The following RNF144A variants were observed in gnomAD, a reference collection of about 807,000 sequenced individuals.
The protein encoded by RNF144A is ring finger protein 144A.
In RNF144A, 11 loss-of-function variants were observed where a neutral mutation model predicts 38.7. The ratio of observed to expected loss-of-function variants is 0.28; its 90% CI spans 0.18 to 0.47. RNF144A has a LOEUF of 0.47. Among genes scored for constraint, RNF144A ranks in the 20% least tolerant of loss-of-function variants. The pLI, the probability that RNF144A is intolerant of heterozygous loss-of-function variation, is 0.99. For synonymous variants in RNF144A, 149 were observed against 143.9 expected (o/e 1.04, Z -0.25); for missense variants, 316 against 377.2 (o/e 0.84, Z 1.34).
chr2:6,967,956 C>A (rs543029910), intron 2 of RNF144A, among the ~76,000 whole-genome samples: 1 of 152,288 alleles, frequency 6.6e-6, no homozygotes, highest in South Asian at 2.1e-4. Context: ...CTTCTGTTAG[C>A]ATTTTAAGGA....
At chr2:7,016,565 AT>A (rs955368566) in intron 5 of RNF144A, among the ~76,000 whole-genome samples, 41 of 151,546 alleles carry the variant, frequency 2.7e-4, no homozygotes, top group African/African-American at 9.7e-4. Flanking sequence ...AAAAAAAAAA[AT>A]CTCTCAAGCC....
At chr2:7,074,240 A>G in the RNF144A span, among the ~76,000 whole-genome samples, 1 of 152,088 alleles carries the variant, frequency 6.6e-6, no homozygotes, top group Non-Finnish European at 1.5e-5. Context: ...TCCTCTCATA[A>G]CACTTACCAC....
chr2:6,960,330 C>T (rs1317944700), intron 2 of RNF144A, among the ~76,000 whole-genome samples: 4 of 152,204 alleles, frequency 2.6e-5, no homozygotes, highest in African/African-American at 9.7e-5. Context: ...CTGCCTTACT[C>T]ACCTATTTTT....
chr2:7,074,557 G>A, the RNF144A span: 1 of 152,066 alleles, frequency 6.6e-6, no homozygotes, highest in Non-Finnish European at 1.5e-5. Context: ...ATTTTCCTGG[G>A]CCCTTAAAAG....
chr2:6,953,293 G>C (rs1357317587), intron 2 of RNF144A, among the ~76,000 whole-genome samples: 1 of 152,090 alleles, frequency 6.6e-6, no homozygotes, highest in Non-Finnish European at 1.5e-5. Context: ...GAGCGGCATG[G>C]TGGCGGGCGC....
intron 1 of RNF144A, among the ~76,000 whole-genome samples, chr2:6,929,299 A>G (rs1665068186): frequency 6.6e-6 from 1 of 152,006 alleles, no homozygotes; most frequent in South Asian, 2.1e-4. Flanking sequence ...TCGCCACCAT[A>G]TTTTATCTCT....
intron 8 of RNF144A, among the ~76,000 whole-genome samples, chr2:7,031,934 C>T (rs1211485304): frequency 6.6e-6 from 1 of 152,254 alleles, no homozygotes; most frequent in Non-Finnish European, 1.5e-5. Context: ...ACTGTTTACA[C>T]AGGCAGGTGG....
At chr2:6,973,400 T>C (rs954379163) in intron 2 of RNF144A, among the ~76,000 whole-genome samples, 6 of 152,266 alleles carry the variant, frequency 3.9e-5, no homozygotes, top group Non-Finnish European at 5.9e-5. Context: ...CCATTTCTCC[T>C]GTGTATATCG....
intron 2 of RNF144A, among the ~76,000 whole-genome samples, chr2:6,954,186 T>G (rs576513173): frequency 2.0e-5 from 3 of 152,272 alleles, no homozygotes; most frequent in African/African-American, 7.2e-5. Flanking sequence ...TTTTATGACT[T>G]TAATATATTT....
chr2:7,032,859 C>T (rs1318966319), intron 8 of RNF144A, among the ~76,000 whole-genome samples: 2 of 152,240 alleles, frequency 1.3e-5, no homozygotes, highest in African/African-American at 4.8e-5. Context: ...AACACCTACA[C>T]CCCCCTCCCC....
intron 5 of RNF144A, among the ~76,000 whole-genome samples, chr2:7,015,823 G>C (rs1671099947): frequency 6.6e-6 from 1 of 152,124 alleles, no homozygotes; most frequent in Admixed American, 6.5e-5. Context: ...TCCCTGCACT[G>C]ATTCTCGGGT....
intron 2 of RNF144A, among the ~76,000 whole-genome samples, chr2:6,989,136 T>C (rs1252925014): frequency 6.6e-6 from 1 of 152,236 alleles, no homozygotes; most frequent in Non-Finnish European, 1.5e-5. Flanking sequence ...ATTCCTTCTG[T>C]GCCCTGTCAG....
chr2:7,011,716 C>T (rs1447622879), intron 3 of RNF144A, among the ~76,000 whole-genome samples: 1 of 152,118 alleles, frequency 6.6e-6, no homozygotes, highest in African/African-American at 2.4e-5. Context: ...CTCTGTTTAC[C>T]TATTTTTGTG....
At chr2:6,919,937 A>G (rs1664425555) in intron 1 of RNF144A, among the ~76,000 whole-genome samples, 1 of 152,218 alleles carries the variant, frequency 6.6e-6, no homozygotes, top group African/African-American at 2.4e-5. Context: ...TATATTTTAT[A>G]AATAGATTCC....
intron 2 of RNF144A, among the ~76,000 whole-genome samples, chr2:6,982,428 G>A (rs373261590): frequency 1.3e-5 from 2 of 152,182 alleles, no homozygotes; most frequent in African/African-American, 4.8e-5. Flanking sequence ...AAGGAAGGAG[G>A]CATTGCCTGA....
intron 1 of RNF144A, among the ~76,000 whole-genome samples, chr2:6,934,229 A>G (rs1473171435): frequency 6.6e-6 from 1 of 152,180 alleles, no homozygotes; most frequent in Non-Finnish European, 1.5e-5. Flanking sequence ...GAAATATGGT[A>G]TCTTTTTACT....
chr2:6,987,621 C>T (rs1669042787), intron 2 of RNF144A, among the ~76,000 whole-genome samples: 1 of 152,292 alleles, frequency 6.6e-6, no homozygotes, highest in East Asian at 1.9e-4. Flanking sequence ...ACCCTTCACC[C>T]TCACCTGCAG....
chr2:6,919,462 A>G (rs1193795720), intron 1 of RNF144A, among the ~76,000 whole-genome samples: 1 of 152,176 alleles, frequency 6.6e-6, no homozygotes, highest in East Asian at 1.9e-4. Context: ...AAGAGGATAA[A>G]TCATGAAATC....
In RNF144A at chr2:6,958,375, GACC is replaced by G. The variant is rs1236383143; in HGVS notation, c.-12+17232_-12+17234del. 1.3e-5 allele frequency among the ~76,000 whole-genome samples: 2 copies of G among 152,236 alleles called. No homozygotes were observed. Among genetic ancestry groups the G allele is most frequent in the African/African-American group, 4.8e-5 (2 of 41,458 alleles). ...TTGCTTTCCTCCCCGACACCCAGGTGACCACCCAGTTTGGGAGGAAAACAGAAT... is the reference window on the plus strand; with the variant it reads ...TTGCTTTCCTCCCCGACACCCAGGTGACCCAGTTTGGGAGGAAAACAGAAT... On this transcript the variant is annotated intron_variant, in intron 2 of 8. Transcript: ENST00000320892. This position sits in a 1 kb window ranked among gnomAD's most constrained non-coding sequence, Gnocchi z 4.5.
Sources: gnomAD v4.1 joint callset for allele counts (sites outside exome capture counted in the v4.1 genomes callset) on GRCh38, gnomAD v4.1.1 for gene constraint, Gnocchi (gnomAD v3.1) non-coding constraint, MANE v1.5 for transcripts, NCBI Gene and HGNC (gene_info 2026-07-23, HGNC 2026-07-21) for gene names.